CD109: variants seen among roughly 807,000 people sequenced by gnomAD.
CD109 encodes CD109 antigen.
A neutral mutation model predicts 165.8 loss-of-function variants in CD109; 149 were observed. The observed-to-expected ratio is 0.90, with a 90% CI of 0.79 to 1.03. CD109 has a LOEUF of 1.03. CD109 is among the 50% of genes least tolerant of loss of function. The probability of loss-of-function intolerance (pLI) is 0.00; values close to 1 mark genes in which losing one functional copy is unlikely to be tolerated. For missense variants in CD109, 1,712 were observed against 1,677.8 expected (o/e 1.02, Z -0.36); for synonymous variants, 585 against 592.1 (o/e 0.99, Z 0.18).
Position 73,792,476 on chromosome 6 carries a change from G to A in CD109, c.2702-150G>A, listed in dbSNP as rs1036956374. The stretch of plus-strand genomic sequence containing the variant: ...TTTTGACCAGTCTTCCTAAAAGCTT[G>A]GTGTAAAGTTCCAACTCTGTTCCAA... On this transcript the variant is annotated intron_variant, in intron 22 of 32. Transcript: ENST00000287097. 2.5e-5 allele frequency: 17 copies of A among 678,954 alleles called. No individual in the cohort carries two copies. In the Admixed American group the frequency reaches 4.8e-4, roughly 19 times the overall value. The allele number at this position is 678,954 out of a possible 1,614,324, so 42.1% of individuals were successfully genotyped here.
At chr6:73,811,264 TAATAGG>T in intron 28 of CD109, 117 bp downstream of exon 28, 6 of 1,185,830 alleles carry the variant, frequency 5.1e-6, no homozygotes, top group Non-Finnish European at 6.8e-6. Flanking sequence ...CTCTGTAGAG[TAATAGG>T]GAGAAGTGGT....
Position 73,771,557 on chromosome 6 carries a change from C to T in CD109, c.1803C>T (p.Ala601=). 5.6e-6 allele frequency: 9 copies of T among 1,594,202 alleles called. No homozygotes were observed. Among genetic ancestry groups the T allele is most frequent in the Non-Finnish European group, 7.7e-6 (9 of 1,172,588 alleles). Reference sequence around the variant, plus strand: ...ACAAAAGTGTGAATCTGATGAATGCCTCTAATGATATTACAATGGAAAATG... The same window carrying T: ...ACAAAAGTGTGAATCTGATGAATGCTTCTAATGATATTACAATGGAAAATG... ...AVDKSVNLMN[A]SNDITMENVV... The change falls in exon 15 of 33, where the codon GCC becomes GCT. Residue 601 remains alanine (A), a synonymous_variant. Transcript: ENST00000287097.
At chr6:73,704,166 C>G (rs916627262) in intron 2 of CD109, among the ~76,000 whole-genome samples, 6 of 133,048 alleles carry the variant, frequency 4.5e-5, no homozygotes, top group Non-Finnish European at 7.8e-5. Flanking sequence ...GGTGACAGAG[C>G]AAGACTCCAT....
At chr6:73,746,544 T>C (rs1772989321) in intron 5 of CD109, among the ~76,000 whole-genome samples, 1 of 152,150 alleles carries the variant, frequency 6.6e-6, no homozygotes, top group Non-Finnish European at 1.5e-5. Flanking sequence ...AAATGGGTGA[T>C]TTTTGTTTAT....
At chr6:73,750,060 TG>T (rs1341525830) in intron 5 of CD109, among the ~76,000 whole-genome samples, 1 of 152,054 alleles carries the variant, frequency 6.6e-6, no homozygotes, top group Non-Finnish European at 1.5e-5. Flanking sequence ...TCAAAGGTAA[TG>T]GGGGACTGCG....
chr6:73,811,318 TG>T (rs1275501542), intron 28 of CD109, among the ~76,000 whole-genome samples, 171 bp downstream of exon 28: 2 of 151,882 alleles, frequency 1.3e-5, no homozygotes, highest in African/African-American at 2.4e-5. Flanking sequence ...TCTGGAAGGG[TG>T]GGGAACTTTG....
At position 73,773,640 on chromosome 6, in the gene CD109, G is replaced by A. The variant is rs186683482; in HGVS notation, c.1827+2059G>A. ...CCTTGTTGGTTTCTAAAGGTTATCAGTATTTGAATCTTCTAGTATGCTCCT... is the reference window on the plus strand; with the variant it reads ...CCTTGTTGGTTTCTAAAGGTTATCAATATTTGAATCTTCTAGTATGCTCCT... On this transcript the variant is annotated intron_variant, in intron 15 of 32. Transcript: ENST00000287097. Among the ~76,000 whole-genome samples, 168 of 152,240 alleles carry A rather than the reference G, an allele frequency of 1.1e-3. 1 individual carries two copies. The highest frequency in any genetic ancestry group is 3.9e-3 in the African/African-American group (162 of 41,568).
chr6:73,774,476 CAGCCCTG>C (rs1449396056), intron 15 of CD109, among the ~76,000 whole-genome samples: 1 of 152,158 alleles, frequency 6.6e-6, no homozygotes, highest in Non-Finnish European at 1.5e-5. Flanking sequence ...TATGATTCAC[CAGCCCTG>C]AGGGTTTGGA....
chr6:73,749,294 C>T (rs1026058687), intron 5 of CD109, among the ~76,000 whole-genome samples: 2 of 152,124 alleles, frequency 1.3e-5, no homozygotes, highest in Admixed American at 6.5e-5. Flanking sequence ...TCCGTTTCCT[C>T]AGCTGTAAAA....
chr6:73,817,320 T>C (rs41307147), intron 30 of CD109, among the ~76,000 whole-genome samples: 1 of 151,788 alleles, frequency 6.6e-6, no homozygotes, highest in Non-Finnish European at 1.5e-5. Context: ...ATATTGACTG[T>C]TTTTTTCTCA....
intron 4 of CD109, among the ~76,000 whole-genome samples, chr6:73,734,830 G>A (rs1313623081): frequency 6.6e-6 from 1 of 152,142 alleles, no homozygotes; most frequent in Non-Finnish European, 1.5e-5. Context: ...TTCAACCCCT[G>A]CTCTCAGTCA....
Position 73,771,581 on chromosome 6 carries a change from T to G in CD109, c.1827T>G (p.Asn609Lys). ...MNASNDITMENVVHELELYNT... is the reference protein window; with the variant it reads ...MNASNDITMEKVVHELELYNT... The stretch of plus-strand genomic sequence containing the variant: ...CCTCTAATGATATTACAATGGAAAA[T>G]GTGAGTTTAGCTATTTTTTCATTAT... The change falls in exon 15 of 33, where the codon AAT (asparagine) becomes AAG (lysine). Residue 609 changes from asparagine to lysine, a missense_variant and splice_region_variant. Coordinates refer to ENST00000287097, the MANE Select transcript of CD109 (RefSeq NM_133493.5). 2 of 1,546,474 alleles carry G rather than the reference T, an allele frequency of 1.3e-6. No homozygotes were observed. Among genetic ancestry groups the G allele is most frequent in the African/African-American group, 1.4e-5 (1 of 71,840 alleles).
chr6:73,797,430 G>A (rs1738278278), intron 23 of CD109, among the ~76,000 whole-genome samples: 1 of 152,160 alleles, frequency 6.6e-6, no homozygotes, highest in South Asian at 2.1e-4. Flanking sequence ...AAAAATAAGA[G>A]AAAGAAAGCT....
rs75315380 is a variant in CD109, at chr6:73,728,059, A to G, written c.277-2285A>G. Among the ~76,000 whole-genome samples, 444 of 152,278 alleles carry G rather than the reference A, an allele frequency of 2.9e-3. 15 individuals are homozygous for G. The East Asian group carries it at 0.075, about 26-fold the overall frequency. On this transcript the variant is annotated intron_variant, in intron 3 of 32. Transcript: ENST00000287097. ...CTTTAGGCTGGGCGCAGTGGCTCACATGTATAATCCCATCACTTTGGGAGG... is the reference window on the plus strand; with the variant it reads ...CTTTAGGCTGGGCGCAGTGGCTCACGTGTATAATCCCATCACTTTGGGAGG...
intron 14 of CD109, 56 bp from the exon 15 acceptor site, chr6:73,771,373 C>T (rs1181537988): frequency 2.0e-6 from 3 of 1,468,724 alleles, no homozygotes; most frequent in Non-Finnish European, 2.8e-6. Flanking sequence ...CTGCTATTGG[C>T]AAGAATATGC....
chr6:73,775,244 A>C (rs1034846400), intron 15 of CD109, among the ~76,000 whole-genome samples: 2 of 152,016 alleles, frequency 1.3e-5, no homozygotes, highest in East Asian at 1.9e-4. Context: ...GAGGTTATGG[A>C]ATACATATAG....
In CD109 at chr6:73,783,688, T is replaced by G; in HGVS notation, c.2106-19T>G. On this transcript the variant is annotated intron_variant, in intron 18 of 32. Transcript: ENST00000287097. ...AGTTCTTGGTTTTGTGATGTTTATA[T>G]TTATTATCTTGACTTCAGTTACAGG... The G allele has an allele frequency of 7.3e-7, 1 of 1,361,472 alleles. No individual in the cohort carries two copies. The highest frequency in any genetic ancestry group is 1.4e-5 in the African/African-American group (1 of 70,040). 84.3% of individuals were successfully genotyped at this position (1,361,472 alleles called of 1,614,324 possible). A position where few individuals can be genotyped will look rare whatever the true frequency, so the allele number is the denominator to read the frequency against.
intron 14 of CD109, 137 bp downstream of exon 14, chr6:73,768,368 A>G (rs940626948): frequency 1.3e-5 from 8 of 600,854 alleles, no homozygotes; most frequent in Non-Finnish European, 2.0e-5. Flanking sequence ...AACTATGGTT[A>G]AACTTTTCAA....
At position 73,781,322 on chromosome 6, in the gene CD109, A is replaced by T. The variant is rs758500731; in HGVS notation, c.1963+3A>T. Reference sequence around the variant, plus strand: ...GAAGGATTATATTGATGGTGTTTGTAAGTAATACATGGCGACATGCTTGTA... The same window carrying T: ...GAAGGATTATATTGATGGTGTTTGTTAGTAATACATGGCGACATGCTTGTA... On this transcript the variant is annotated splice_donor_region_variant and intron_variant, in intron 17 of 32. Coordinates refer to ENST00000287097, the MANE Select transcript of CD109 (RefSeq NM_133493.5). 3.1e-6 allele frequency: 5 copies of T among 1,609,872 alleles called. No individual in the cohort carries two copies. The Admixed American group carries it at 5.0e-5, about 16-fold the overall frequency.
Sources: allele counts gnomAD v4.1 joint callset (sites outside exome capture counted in the v4.1 genomes callset), GRCh38; gene constraint gnomAD v4.1.1; transcripts MANE v1.5; gene names NCBI Gene and HGNC (gene_info 2026-07-23, HGNC 2026-07-21).